The following MIPOL1 variants were observed in gnomAD, a reference collection of about 807,000 sequenced individuals.
MIPOL1 encodes the protein mirror-image polydactyly 1.
MIPOL1 carries 57 observed loss-of-function variants against 60.9 expected under a neutral mutation model. That is an observed-to-expected ratio of 0.94 (90% CI 0.76 to 1.17). The LOEUF (loss-of-function observed/expected upper bound fraction) is 1.17. MIPOL1 is among the 50% of genes most tolerant of loss of function. The pLI is 0.00. For missense variants in MIPOL1, 551 were observed against 511.6 expected, an observed-to-expected ratio of 1.08 and a Z score of -0.74; for synonymous variants, 179 against 168.8, an observed-to-expected ratio of 1.06 and a Z score of -0.47.
chr14:37,198,904 C>T (rs1964774759), intron 1 of MIPOL1, among the ~76,000 whole-genome samples: 4 of 152,092 alleles, frequency 2.6e-5, no homozygotes, highest in Admixed American at 2.6e-4. Flanking sequence ...TCCTTGTGAT[C>T]TGGTATGGAG....
At chr14:37,365,886 C>T (rs1232425831) in intron 9 of MIPOL1, among the ~76,000 whole-genome samples, 1 of 151,972 alleles carries the variant, frequency 6.6e-6, no homozygotes, top group African/African-American at 2.4e-5. Flanking sequence ...GATTTCTTTA[C>T]TTGCTCTTGG....
At chr14:37,224,732 G>T (rs1969410669) in intron 1 of MIPOL1, among the ~76,000 whole-genome samples, 1 of 152,072 alleles carries the variant, frequency 6.6e-6, no homozygotes, top group Admixed American at 6.5e-5. Flanking sequence ...CAAATCTCAT[G>T]TTCTCACATT....
chr14:37,286,683 A>C (rs919236723), intron 7 of MIPOL1, among the ~76,000 whole-genome samples: 1 of 152,162 alleles, frequency 6.6e-6, no homozygotes, highest in Admixed American at 6.6e-5. Context: ...AGTTGTGATT[A>C]GGTAATATTT....
rs142552974 is a variant in MIPOL1 at position 37,295,712 on chromosome 14, A to G, written c.623+10265A>G. On this transcript the variant is annotated intron_variant, in intron 7 of 12. Coordinates refer to ENST00000684589, the MANE Select transcript of MIPOL1 (RefSeq NM_001388067.1). ...AAGATCAAAAGAGACAAAGAAGGCC[A>G]TTGCATAATGGTAAAGGGATCAGTT... is the stretch of plus-strand genomic sequence containing the variant. Among the ~76,000 whole-genome samples, 347 of 152,300 alleles carry G rather than the reference A, an allele frequency of 2.3e-3. 1 individual carries two copies. The highest frequency in any genetic ancestry group is 7.7e-3 in the African/African-American group (322 of 41,562).
chr14:37,425,683 C>T (rs2093948875), intron 11 of MIPOL1, among the ~76,000 whole-genome samples: 1 of 152,018 alleles, frequency 6.6e-6, no homozygotes, highest in South Asian at 2.1e-4. Flanking sequence ...ATTGATCAAC[C>T]AATGTTAAGA....
chr14:37,423,041 C>G, intron 11 of MIPOL1, 92 bp downstream of exon 11: 1 of 745,120 alleles, frequency 1.3e-6, no homozygotes, highest in Non-Finnish European at 2.2e-6. Flanking sequence ...GGAAATACCT[C>G]AATGAAATTA....
At chr14:37,351,761 T>C (rs2091407117) in intron 9 of MIPOL1, among the ~76,000 whole-genome samples, 1 of 116,402 alleles carries the variant, frequency 8.6e-6, no homozygotes, top group Non-Finnish European at 1.8e-5. Flanking sequence ...GGGTTGTTTG[T>C]TTTTTTCTTG....
At chr14:37,538,863 C>T (rs2095517973) in intron 12 of MIPOL1, among the ~76,000 whole-genome samples, 1 of 152,138 alleles carries the variant, frequency 6.6e-6, no homozygotes, top group South Asian at 2.1e-4. Flanking sequence ...CACATGCCAC[C>T]CAGCCCCAGT....
At chr14:37,482,773 T>C (rs1393114970) in intron 11 of MIPOL1, among the ~76,000 whole-genome samples, 1 of 152,104 alleles carries the variant, frequency 6.6e-6, no homozygotes, top group Non-Finnish European at 1.5e-5. Flanking sequence ...ATCAGCTGTT[T>C]TCAAAAAGAC....
chr14:37,261,835 A>G (rs2082536011), intron 3 of MIPOL1, among the ~76,000 whole-genome samples: 1 of 152,114 alleles, frequency 6.6e-6, no homozygotes, highest in African/African-American at 2.4e-5. Flanking sequence ...TATTTTGCTA[A>G]AGGTTGTACA....
At chr14:37,295,457 C>T (rs140689206) in intron 7 of MIPOL1, among the ~76,000 whole-genome samples, 11,606 of 152,050 alleles carry the variant, frequency 0.076, 1,500 homozygotes, top group African/African-American at 0.27. Flanking sequence ...CATAACAATC[C>T]TAACCTTAAA....
Position 37,500,101 on chromosome 14 carries a change from A to C in MIPOL1, c.1225A>C (p.Arg409=). 1 of 1,613,480 alleles carries C rather than the reference A, an allele frequency of 6.2e-7. No homozygotes were observed. The highest frequency in any genetic ancestry group is 8.5e-7 in the Non-Finnish European group (1 of 1,179,642). ...TATGGAATTACAACTTCAACATGCC[A>C]GAGAGGCCTCCCAAGTGGCCAATGA... ...ANMELQLQHA[R]EASQVANEKV... Residue 409 remains arginine (R), a synonymous_variant, in exon 12 of 13, where the codon AGA becomes CGA. Transcript: ENST00000684589.
At chr14:37,206,032 G>A (rs779334499) in intron 1 of MIPOL1, among the ~76,000 whole-genome samples, 4 of 152,216 alleles carry the variant, frequency 2.6e-5, no homozygotes, top group Non-Finnish European at 5.9e-5. Context: ...CATTTTCTGA[G>A]GAGAAATTCA....
At chr14:37,543,861 G>A (rs192308020) in intron 12 of MIPOL1, among the ~76,000 whole-genome samples, 1 of 152,162 alleles carries the variant, frequency 6.6e-6, no homozygotes, top group East Asian at 1.9e-4. Context: ...TCATCACAAA[G>A]TTTTCACAGG....
At chr14:37,466,267 C>G in intron 11 of MIPOL1, among the ~76,000 whole-genome samples, 1 of 151,938 alleles carries the variant, frequency 6.6e-6, no homozygotes, top group Non-Finnish European at 1.5e-5. Flanking sequence ...GTTATTTTTC[C>G]CTCTTATGTT....
chr14:37,329,959 A>G (rs1366133681), intron 9 of MIPOL1, among the ~76,000 whole-genome samples: 1 of 152,138 alleles, frequency 6.6e-6, no homozygotes, highest in African/African-American at 2.4e-5. Context: ...TACAGAGTTC[A>G]ACATTACAAG....
intron 9 of MIPOL1, among the ~76,000 whole-genome samples, chr14:37,363,855 C>T (rs1222297482): frequency 1.3e-5 from 2 of 152,204 alleles, no homozygotes; most frequent in African/African-American, 4.8e-5. Flanking sequence ...TACCCCTCCC[C>T]CAGCCAAGCT....
chr14:37,512,573 A>C (rs1170980179), intron 12 of MIPOL1, among the ~76,000 whole-genome samples: 4 of 151,938 alleles, frequency 2.6e-5, no homozygotes, highest in African/African-American at 9.7e-5. Flanking sequence ...CCATAATGAA[A>C]AATAATTATG....
At chr14:37,491,331 T>A (rs746091872) in intron 11 of MIPOL1, among the ~76,000 whole-genome samples, 2 of 152,146 alleles carry the variant, frequency 1.3e-5, no homozygotes, top group Non-Finnish European at 2.9e-5. Flanking sequence ...GAGATCAAGA[T>A]CATCTTGTGC....
Sources: allele counts gnomAD v4.1 joint callset (sites outside exome capture counted in the v4.1 genomes callset), GRCh38; gene constraint gnomAD v4.1.1; transcripts MANE v1.5; gene names NCBI Gene and HGNC (gene_info 2026-07-23, HGNC 2026-07-21).